Variants in PCDHGA10 observed in about 807,000 individuals in gnomAD.
The protein encoded by PCDHGA10 is protocadherin gamma-A10.
Under a neutral mutation model 59.5 loss-of-function variants are expected in PCDHGA10, and 42 were observed. The observed-to-expected ratio is 0.71, with a 90% CI of 0.55 to 0.91. The LOEUF is 0.91. Ranked by LOEUF, PCDHGA10 falls within the 40% of genes least tolerant of loss-of-function variation. The probability of loss-of-function intolerance (pLI) is 0.00; values close to 1 mark genes in which losing one functional copy is unlikely to be tolerated. For synonymous variants in PCDHGA10, 511 were observed against 517.2 expected (o/e 0.99, Z 0.16); for missense variants, 1,111 against 1,198.2 (o/e 0.93, Z 1.07).
intron 1 of PCDHGA10, chr5:141,430,495 T>C: frequency 3.4e-6 from 1 of 293,400 alleles, no homozygotes; most frequent in Non-Finnish European, 6.2e-6. Context: ...GAAATATCCT[T>C]TCTGGGAGTT....
intron 1 of PCDHGA10, chr5:141,419,837 C>G (rs778271441): frequency 1.2e-6 from 2 of 1,614,090 alleles, no homozygotes; most frequent in South Asian, 2.2e-5. Context: ...CACTGCCACG[C>G]TGCACCTGGT....
chr5:141,452,387 G>A (rs1052689230), intron 1 of PCDHGA10, among the ~76,000 whole-genome samples: 5 of 152,146 alleles, frequency 3.3e-5, no homozygotes, highest in African/African-American at 1.2e-4. Context: ...ATAGTATTTA[G>A]AAACTAAGAT....
At chr5:141,419,753 T>C (rs764151937) in intron 1 of PCDHGA10, 10 of 1,613,856 alleles carry the variant, frequency 6.2e-6, no homozygotes, top group South Asian at 2.2e-5. Context: ...GGTGCGTGCT[T>C]TGGGTGACAA....
chr5:141,421,040 C>T (rs2096541229), intron 1 of PCDHGA10: 1 of 545,472 alleles, frequency 1.8e-6, no homozygotes, highest in East Asian at 3.1e-5. Context: ...GTCCCTCCCT[C>T]CCCCGCCTCT....
intron 1 of PCDHGA10, among the ~76,000 whole-genome samples, chr5:141,446,545 C>T (rs903831454): frequency 4.6e-5 from 7 of 151,914 alleles, no homozygotes; most frequent in African/African-American, 1.7e-4. Context: ...GGCCCTATCT[C>T]TGCTCACTGC....
chr5:141,499,423 G>GA (rs1229901490), intron 2 of PCDHGA10, among the ~76,000 whole-genome samples: 1 of 151,754 alleles, frequency 6.6e-6, no homozygotes, highest in Non-Finnish European at 1.5e-5. Flanking sequence ...ATGAAAAATA[G>GA]AAAAAAAATT....
intron 1 of PCDHGA10, among the ~76,000 whole-genome samples, chr5:141,481,794 A>C (rs1433830305): frequency 6.6e-6 from 1 of 152,136 alleles, no homozygotes; most frequent in East Asian, 1.9e-4. Context: ...TCTACTAAAA[A>C]TACAAAAATT....
In PCDHGA10 at chr5:141,511,360, T is replaced by C; in HGVS notation, c.*187T>C. The C allele has an allele frequency of 7.5e-7, 1 of 1,333,050 alleles. No individual in the cohort carries two copies. Among genetic ancestry groups the C allele is most frequent in the Non-Finnish European group, 1.0e-6 (1 of 994,882 alleles). 82.6% of individuals were successfully genotyped at this position (1,333,050 alleles called of 1,614,324 possible). On this transcript the variant is annotated 3_prime_UTR_variant, in exon 4 of 4. Transcript: ENST00000398610. ...ACCTACCCCTTCCCCCCCAGGGGGT[T>C]GAATATGCAAAAGCAGTTCCGCTGG...
chr5:141,490,092 C>T lies in PCDHGA10; in HGVS notation c.2437-4715C>T. On this transcript the variant is annotated intron_variant, in intron 1 of 3. Coordinates refer to ENST00000398610, the MANE Select transcript of PCDHGA10 (RefSeq NM_018913.3). This position sits in a 1 kb window ranked among gnomAD's most constrained non-coding sequence, Gnocchi z 5.4. ...AACTAGACTATTCTTTTGGAGACCA[C>T]ACATCTGAGGCAGTGCGGAACCTCT... 6.2e-7 allele frequency: 1 copy of T among 1,614,240 alleles called. No individual in the cohort carries two copies.
intron 1 of PCDHGA10, among the ~76,000 whole-genome samples, chr5:141,475,253 A>C (rs2099360990): frequency 6.6e-6 from 1 of 152,200 alleles, no homozygotes; most frequent in Non-Finnish European, 1.5e-5. Flanking sequence ...GTGCTCTACA[A>C]CTGAGATCAT....
chr5:141,447,738 A>C (rs1365302023), intron 1 of PCDHGA10, among the ~76,000 whole-genome samples: 7 of 152,216 alleles, frequency 4.6e-5, no homozygotes, highest in Non-Finnish European at 8.8e-5. Context: ...ATTGAACTTA[A>C]GAGTCTTGCA....
In PCDHGA10 at chr5:141,434,786, T is replaced by A. The variant is rs867453805; in HGVS notation, c.2436+19175T>A. ...TTCACACTTCTAAAAAAAAAAAAAT[T>A]TTTTTTTCTGAGCTTGGAGAAATAT... On this transcript the variant is annotated intron_variant, in intron 1 of 3. Coordinates refer to ENST00000398610, the MANE Select transcript of PCDHGA10 (RefSeq NM_018913.3). 6.8e-4 allele frequency among the ~76,000 whole-genome samples: 102 copies of A among 150,682 alleles called. 1 individual carries two copies. The highest frequency in any genetic ancestry group is 1.8e-3 in the African/African-American group (72 of 40,898).
Position 141,431,585 on chromosome 5 carries a change from G to A in PCDHGA10, c.2436+15974G>A. 6.2e-7 allele frequency: 1 copy of A among 1,614,204 alleles called. No individual in the cohort carries two copies. The highest frequency in any genetic ancestry group is 1.6e-4 in the Middle Eastern group (1 of 6,062). On this transcript the variant is annotated intron_variant, in intron 1 of 3. Transcript: ENST00000398610. This position sits in a 1 kb window ranked among gnomAD's most constrained non-coding sequence, Gnocchi z 4.8. ...CGACCCTGACGAAGGAGTCAATGCG[G>A]AAGTGAGGTATTCCTTCCGGTATGT...
Position 141,486,369 on chromosome 5 carries a change from C to A in PCDHGA10, c.2437-8438C>A. On this transcript the variant is annotated intron_variant, in intron 1 of 3. Coordinates refer to ENST00000398610, the MANE Select transcript of PCDHGA10 (RefSeq NM_018913.3). This position sits in a 1 kb window ranked among gnomAD's most constrained non-coding sequence, Gnocchi z 5.0. ...GACCACTTGCCATTTGCCCTCAAGT[C>A]TGCCTTCAGGAACCAGTTCTCCCTG... 6.2e-7 allele frequency: 1 copy of A among 1,614,128 alleles called. No individual in the cohort carries two copies. Among genetic ancestry groups the A allele is most frequent in the African/African-American group, 1.3e-5 (1 of 75,048 alleles).
intron 1 of PCDHGA10, among the ~76,000 whole-genome samples, chr5:141,425,428 T>C (rs1037803701): frequency 1.3e-5 from 2 of 152,238 alleles, no homozygotes; most frequent in African/African-American, 4.8e-5. Context: ...TCCCATTAAA[T>C]AGAGGATAAA....
At chr5:141,441,746 C>CGTCAA in intron 1 of PCDHGA10, 1 of 371,314 alleles carries the variant, frequency 2.7e-6, no homozygotes, top group Non-Finnish European at 5.4e-6. Context: ...TCGCGCTCGG[C>CGTCAA]GTCAACGTGA....
intron 2 of PCDHGA10, among the ~76,000 whole-genome samples, chr5:141,496,474 T>A (rs2099769027): frequency 6.6e-6 from 1 of 152,140 alleles, no homozygotes; most frequent in African/African-American, 2.4e-5. Context: ...CTTTCCCCCA[T>A]CCTGCAACCA....
Position 141,511,843 on chromosome 5 carries a change from GT to G in PCDHGA10, c.*674del, listed in dbSNP as rs1413398495. On this transcript the variant is annotated 3_prime_UTR_variant, in exon 4 of 4. Coordinates refer to ENST00000398610, the MANE Select transcript of PCDHGA10 (RefSeq NM_018913.3). ...CCAACGCCCTGGGGACCAGTCTTCT[GT>G]TTTGTTTTTCATTGTTTGACGTTTC... 1 of 156,550 alleles carries G rather than the reference GT, an allele frequency of 6.4e-6. No individual in the cohort carries two copies. The highest frequency in any genetic ancestry group is 2.4e-5 in the African/African-American group (1 of 41,452). The allele number at this position is 156,550 out of a possible 1,614,324, so 9.7% of individuals were successfully genotyped here. A position where few individuals can be genotyped will look rare whatever the true frequency, so the allele number is the denominator to read the frequency against.
intron 1 of PCDHGA10, chr5:141,433,315 TCCGGTGTAACAGGGACTA>T: frequency 1.2e-6 from 1 of 856,086 alleles, no homozygotes; most frequent in Non-Finnish European, 1.8e-6. Flanking sequence ...CACCTTTGCC[TCCGGTGTAACAGGGACTA>T]CAGGTGCAAG....
Sources: gnomAD v4.1 joint callset for allele counts (sites outside exome capture counted in the v4.1 genomes callset) on GRCh38, gnomAD v4.1.1 for gene constraint, Gnocchi (gnomAD v3.1) non-coding constraint, MANE v1.5 for transcripts, NCBI Gene and HGNC (gene_info 2026-07-23, HGNC 2026-07-21) for gene names.